MTUS2: variants seen among roughly 807,000 people sequenced by gnomAD.
The protein encoded by MTUS2 is microtubule-associated tumor suppressor candidate 2.
A neutral mutation model predicts 114.1 loss-of-function variants in MTUS2; 40 were observed. The ratio of observed to expected loss-of-function variants is 0.35; its 90% confidence interval spans 0.27 to 0.46. MTUS2 has a LOEUF of 0.46. MTUS2 is among the 20% of genes least tolerant of loss of function. The probability of loss-of-function intolerance (pLI) is 1.00; values close to 1 mark genes in which losing one functional copy is unlikely to be tolerated. For missense variants in MTUS2, 1,679 were observed against 1,705.4 expected (o/e 0.98, Z 0.27); for synonymous variants, 688 against 672.0 (o/e 1.02, Z -0.37).
At chr13:29,368,930 G>A (rs183545157) in intron 8 of MTUS2, among the ~76,000 whole-genome samples, 208 of 152,302 alleles carry the variant, frequency 1.4e-3, no homozygotes, top group African/African-American at 4.7e-3. Context: ...TCCTTCATGG[G>A]GCCAGGTAAG....
At chr13:29,334,086 G>A (rs966890190) in intron 7 of MTUS2, among the ~76,000 whole-genome samples, 1 of 151,894 alleles carries the variant, frequency 6.6e-6, no homozygotes, top group African/African-American at 2.4e-5. Flanking sequence ...CCTGTGTTTT[G>A]AGCCTATGTG....
chr13:29,162,516 A>G lies in MTUS2; in HGVS notation c.2644+61546A>G, dbSNP rs149486064. On this transcript the variant is annotated intron_variant, in intron 5 of 15. Transcript: ENST00000612955. ...ATTATAATACAATGACACCCTTTTAAGGGTAGTACATGTGGACATGTCAAC... is the reference window on the plus strand; with the variant it reads ...ATTATAATACAATGACACCCTTTTAGGGGTAGTACATGTGGACATGTCAAC... 8.3e-4 allele frequency among the ~76,000 whole-genome samples: 127 copies of G among 152,294 alleles called. 1 individual carries two copies. The highest frequency in any genetic ancestry group is 3.0e-3 in the African/African-American group (123 of 41,570).
At chr13:29,355,368 A>T (rs1869651329) in intron 7 of MTUS2, among the ~76,000 whole-genome samples, 1 of 148,998 alleles carries the variant, frequency 6.7e-6, no homozygotes. Context: ...TTATGTAGCC[A>T]GTAGGACCAG....
intron 2 of MTUS2, among the ~76,000 whole-genome samples, chr13:28,867,712 G>A (rs2138089518): frequency 6.6e-6 from 1 of 152,306 alleles, no homozygotes; most frequent in African/African-American, 2.4e-5. Context: ...TAGGTCATGA[G>A]TCTAGGCAGT....
chr13:29,252,726 G>T (rs1473048116), intron 5 of MTUS2, among the ~76,000 whole-genome samples: 2 of 151,958 alleles, frequency 1.3e-5, no homozygotes, highest in African/African-American at 4.8e-5. Context: ...AGTCTCACGA[G>T]ATCCCTCATA....
At chr13:29,179,844 A>G (rs368266111) in intron 5 of MTUS2, among the ~76,000 whole-genome samples, 11 of 152,316 alleles carry the variant, frequency 7.2e-5, no homozygotes, top group East Asian at 3.9e-4. Flanking sequence ...ATTTTAAAAT[A>G]TCTGAAGGAA....
chr13:29,446,636 A>T lies in MTUS2; in HGVS notation c.3184+6587A>T, dbSNP rs528514540. ...GTTATTTTCTTGGGAATATATTCTC[A>T]AAAGCACTGACTGATAATTTTGGGA... On this transcript the variant is annotated intron_variant, in intron 9 of 15. Transcript: ENST00000612955. 3.9e-5 allele frequency among the ~76,000 whole-genome samples: 6 copies of T among 152,356 alleles called. No individual in the cohort carries two copies. In the East Asian group the frequency reaches 1.2e-3, roughly 29 times the overall value.
At chr13:28,930,153 T>C (rs1353173812) in intron 2 of MTUS2, among the ~76,000 whole-genome samples, 2 of 152,254 alleles carry the variant, frequency 1.3e-5, no homozygotes, top group East Asian at 3.8e-4. Context: ...TTCAGAATTA[T>C]TCTTTAGCCT....
intron 5 of MTUS2, among the ~76,000 whole-genome samples, chr13:29,202,266 T>G (rs1214060559): frequency 6.6e-6 from 1 of 152,188 alleles, no homozygotes; most frequent in Non-Finnish European, 1.5e-5. Flanking sequence ...ATCTTCAATC[T>G]CTGATATCCT....
chr13:29,229,485 G>T (rs1896241111), intron 5 of MTUS2, among the ~76,000 whole-genome samples: 1 of 152,106 alleles, frequency 6.6e-6, no homozygotes, highest in Non-Finnish European at 1.5e-5. Context: ...TATTATTAAC[G>T]ACAGAGATTC....
chr13:28,836,693 G>A (rs569389515), intron 1 of MTUS2, among the ~76,000 whole-genome samples: 1 of 152,272 alleles, frequency 6.6e-6, no homozygotes, highest in South Asian at 2.1e-4. Context: ...TCTAGGAGGA[G>A]GCAGGAGCAA....
chr13:29,075,949 T>G (rs1185520366), intron 4 of MTUS2, among the ~76,000 whole-genome samples: 1 of 152,178 alleles, frequency 6.6e-6, no homozygotes, highest in Non-Finnish European at 1.5e-5. Flanking sequence ...ACTCTTACAC[T>G]TTACCAGAAG....
Position 28,908,870 on chromosome 13 carries a change from G to T in MTUS2, c.-243+69020G>T, listed in dbSNP as rs556861043. 2.0e-5 allele frequency among the ~76,000 whole-genome samples: 3 copies of T among 151,722 alleles called. No individual in the cohort carries two copies. In the South Asian group the frequency reaches 6.3e-4, roughly 32 times the overall value. On this transcript the variant is annotated intron_variant, in intron 2 of 15. Transcript: ENST00000612955. Reference sequence around the variant, plus strand: ...CCATCTTGAATTAATTTTTGTATAAGATATAAGGAAGGGACCCAGTTTCAG... The same window carrying T: ...CCATCTTGAATTAATTTTTGTATAATATATAAGGAAGGGACCCAGTTTCAG...
chr13:29,235,079 TA>T (rs1566082701), intron 5 of MTUS2, among the ~76,000 whole-genome samples: 1 of 144,846 alleles, frequency 6.9e-6, no homozygotes, highest in African/African-American at 2.9e-5. Context: ...TTTTCAAATT[TA>T]ATTTAGTTAA....
intron 5 of MTUS2, among the ~76,000 whole-genome samples, chr13:29,279,538 A>C (rs1198522448): frequency 6.6e-6 from 1 of 152,248 alleles, no homozygotes; most frequent in African/African-American, 2.4e-5. Context: ...AGCCATTTCC[A>C]AATTCAGAGT....
intron 2 of MTUS2, among the ~76,000 whole-genome samples, chr13:28,903,340 G>A (rs1239961896): frequency 6.6e-6 from 1 of 151,468 alleles, no homozygotes; most frequent in South Asian, 2.1e-4. Flanking sequence ...GTATACATGT[G>A]CCATGTTGGT....
In MTUS2 at chr13:29,032,486, G is replaced by A. The variant is rs551242444; in HGVS notation, c.2206-1399G>A. Among the ~76,000 whole-genome samples the A allele has an allele frequency of 6.6e-5, 10 of 152,304 alleles. 1 individual carries two copies. The highest frequency in any genetic ancestry group is 5.2e-4 in the Admixed American group (8 of 15,300). On this transcript the variant is annotated intron_variant, in intron 3 of 15. Transcript: ENST00000612955. ...ACTAAAATTAAAAAAGGGTATATAT[G>A]AGAAAAACCAGAGATTGATAGTGAG...
chr13:28,855,433 A>T (rs1403840310), intron 2 of MTUS2, among the ~76,000 whole-genome samples: 1 of 151,960 alleles, frequency 6.6e-6, no homozygotes, highest in Non-Finnish European at 1.5e-5. Flanking sequence ...AGACTGCCCC[A>T]CTACTGACAG....
At chr13:29,425,942 A>G (rs1157307100) in intron 8 of MTUS2, among the ~76,000 whole-genome samples, 1 of 152,166 alleles carries the variant, frequency 6.6e-6, no homozygotes, top group Admixed American at 6.5e-5. Context: ...ATAAGAAGTA[A>G]TTTTCTAGTA....
Sources: gnomAD v4.1 joint callset for allele counts (sites outside exome capture counted in the v4.1 genomes callset) on GRCh38, gnomAD v4.1.1 for gene constraint, MANE v1.5 for transcripts, NCBI Gene and HGNC (gene_info 2026-07-23, HGNC 2026-07-21) for gene names.